Variants in ZFAT observed in about 807,000 individuals in gnomAD.
ZFAT encodes zinc finger protein ZFAT.
Under a neutral mutation model 117.7 loss-of-function variants are expected in ZFAT, and 64 were observed. The ratio of observed to expected loss-of-function variants is 0.54; its 90% CI spans 0.44 to 0.67. The LOEUF is 0.67. Among genes scored for constraint, ZFAT ranks in the 30% least tolerant of loss-of-function variants. The pLI is 0.00. For missense variants in ZFAT, 1,433 were observed against 1,584.5 expected, an observed-to-expected ratio of 0.90 and a Z score of 1.62; for synonymous variants, 679 against 615.0, an observed-to-expected ratio of 1.10 and a Z score of -1.54.
At chr8:134,508,589 A>G (rs1819588552) in intron 15 of ZFAT, among the ~76,000 whole-genome samples, 1 of 152,038 alleles carries the variant, frequency 6.6e-6, no homozygotes, top group African/African-American at 2.4e-5. Flanking sequence ...ACACTCCTGG[A>G]CCCCACTCCT....
At chr8:134,521,946 G>GCT (rs1414598728) in intron 12 of ZFAT, among the ~76,000 whole-genome samples, 1 of 152,166 alleles carries the variant, frequency 6.6e-6, no homozygotes, top group East Asian at 1.9e-4. Flanking sequence ...TCATTCCCTA[G>GCT]TCGCAAACTC....
chr8:134,735,322 C>A, the ZFAT span, among the ~76,000 whole-genome samples: 1 of 152,156 alleles, frequency 6.6e-6, no homozygotes, highest in Admixed American at 6.5e-5. Context: ...CAAATCCTCC[C>A]AAGAGTCACT....
intron 1 of ZFAT, among the ~76,000 whole-genome samples, chr8:134,690,857 A>G (rs1295772734): frequency 6.6e-6 from 1 of 152,260 alleles, no homozygotes; most frequent in Non-Finnish European, 1.5e-5. Flanking sequence ...CTCATAATTC[A>G]ACACTAAATG....
intron 7 of ZFAT, among the ~76,000 whole-genome samples, chr8:134,596,291 G>A (rs1826926365): frequency 6.6e-6 from 1 of 152,158 alleles, no homozygotes; most frequent in African/African-American, 2.4e-5. Context: ...TCAGGTAAAG[G>A]GAAATAAAGA....
chr8:134,815,624 C>T, the ZFAT span, among the ~76,000 whole-genome samples: 2 of 152,228 alleles, frequency 1.3e-5, no homozygotes, highest in Non-Finnish European at 2.9e-5. Context: ...TTCTCCACTA[C>T]TTGCAATCAG....
intron 12 of ZFAT, among the ~76,000 whole-genome samples, chr8:134,528,516 A>G (rs540326801): frequency 7.2e-5 from 11 of 152,206 alleles, no homozygotes; most frequent in Non-Finnish European, 1.5e-4. Context: ...AAAAACTAAT[A>G]CACAAATATA....
chr8:134,513,398 G>A (rs1161688900), intron 13 of ZFAT, among the ~76,000 whole-genome samples: 1 of 152,112 alleles, frequency 6.6e-6, no homozygotes, highest in Non-Finnish European at 1.5e-5. Context: ...GTTTCACCAT[G>A]TTGGCCAGGA....
At chr8:134,550,125 G>A (rs1164893222) in intron 11 of ZFAT, among the ~76,000 whole-genome samples, 3 of 152,054 alleles carry the variant, frequency 2.0e-5, no homozygotes, top group Non-Finnish European at 4.4e-5. Flanking sequence ...GATTTGGTAG[G>A]TCACACTCTG....
chr8:134,812,961 T>G, the ZFAT span, among the ~76,000 whole-genome samples: 2 of 152,222 alleles, frequency 1.3e-5, no homozygotes, highest in Admixed American at 6.5e-5. Context: ...ATTGGTAGAC[T>G]GGCTTCAGAG....
chr8:134,505,543 T>C (rs1455977027), intron 15 of ZFAT, among the ~76,000 whole-genome samples: 1 of 152,092 alleles, frequency 6.6e-6, no homozygotes, highest in East Asian at 1.9e-4. Flanking sequence ...ATTATCTGGG[T>C]GGGTCCAATG....
At chr8:134,684,970 T>C (rs1043157626) in intron 1 of ZFAT, among the ~76,000 whole-genome samples, 5 of 152,060 alleles carry the variant, frequency 3.3e-5, no homozygotes, top group Non-Finnish European at 7.4e-5. Flanking sequence ...GTGTCAGCCA[T>C]GGGAAGGAGA....
intron 3 of ZFAT, among the ~76,000 whole-genome samples, chr8:134,620,444 G>A (rs962440250): frequency 3.3e-5 from 5 of 152,164 alleles, no homozygotes; most frequent in African/African-American, 1.2e-4. Context: ...CTCTGGCCTG[G>A]CATCCAGGCC....
chr8:134,620,805 CA>C (rs1829059539), intron 3 of ZFAT, among the ~76,000 whole-genome samples: 1 of 152,190 alleles, frequency 6.6e-6, no homozygotes, highest in Admixed American at 6.5e-5. Context: ...GGGTGCTTGA[CA>C]AAGAACAGCT....
intron 2 of ZFAT, among the ~76,000 whole-genome samples, chr8:134,648,752 A>T (rs1446521264): frequency 6.6e-6 from 1 of 152,166 alleles, no homozygotes; most frequent in Non-Finnish European, 1.5e-5. Flanking sequence ...TTTCCAAAAA[A>T]TAGAAGAGGA....
the ZFAT span, among the ~76,000 whole-genome samples, chr8:134,724,771 G>C: frequency 6.6e-6 from 1 of 152,132 alleles, no homozygotes; most frequent in Non-Finnish European, 1.5e-5. Context: ...GCTGTCTATA[G>C]CAAGGGGGAG....
At chr8:134,485,991 G>A (rs978967523) in intron 15 of ZFAT, among the ~76,000 whole-genome samples, 7 of 152,232 alleles carry the variant, frequency 4.6e-5, no homozygotes, top group Admixed American at 3.9e-4. Context: ...TTCCTGTTCA[G>A]TCCTGACAGG....
chr8:134,667,759 G>A (rs1832308621), intron 1 of ZFAT, among the ~76,000 whole-genome samples: 1 of 152,086 alleles, frequency 6.6e-6, no homozygotes, highest in Non-Finnish European at 1.5e-5. Flanking sequence ...TCGGATAGTG[G>A]AGACAGGACA....
chr8:134,756,204 T>A, the ZFAT span, among the ~76,000 whole-genome samples: 2 of 152,028 alleles, frequency 1.3e-5, no homozygotes, highest in Non-Finnish European at 2.9e-5. Flanking sequence ...GACCTCAACA[T>A]CCCCCCTGCA....
At chr8:134,604,882 A>C (rs1387876367) in intron 5 of ZFAT, among the ~76,000 whole-genome samples, 1 of 152,258 alleles carries the variant, frequency 6.6e-6, no homozygotes, top group Non-Finnish European at 1.5e-5. Flanking sequence ...GATATCCAGA[A>C]GGTGATACAT....
Sources: gnomAD v4.1 joint callset for allele counts (sites outside exome capture counted in the v4.1 genomes callset) on GRCh38, gnomAD v4.1.1 for gene constraint, MANE v1.5 for transcripts, NCBI Gene and HGNC (gene_info 2026-07-23, HGNC 2026-07-21) for gene names.